The following CADM2 variants were observed in gnomAD, a reference collection of about 807,000 sequenced individuals.
The protein encoded by CADM2 is immunoglobulin superfamily member 4D.
Under a neutral mutation model 49.8 loss-of-function variants are expected in CADM2, and 12 were observed. That is an observed-to-expected ratio of 0.24 (90% CI 0.15 to 0.39). The LOEUF is 0.39. Among genes scored for constraint, CADM2 ranks in the 10% least tolerant of loss-of-function variants. The pLI, the probability that CADM2 is intolerant of heterozygous loss-of-function variation, is 1.00. For synonymous variants in CADM2, 214 were observed against 175.4 expected (o/e 1.22, Z -1.74); for missense variants, 378 against 492.3 (o/e 0.77, Z 2.20).
Position 85,212,882 on chromosome 3 carries a change from C to CTT in CADM2, c.61+253216_61+253217dup, listed in dbSNP as rs1187755520. Among the ~76,000 whole-genome samples the CTT allele has an allele frequency of 1.3e-4, 15 of 113,506 alleles. 1 individual carries two copies. Among genetic ancestry groups the CTT allele is most frequent in the African/African-American group, 7.4e-4 (15 of 20,330 alleles). The allele number at this position is 113,506 out of a possible 152,430, so 74.5% of individuals were successfully genotyped here. On this transcript the variant is annotated intron_variant, in intron 1 of 9. Coordinates refer to ENST00000383699, the MANE Select transcript of CADM2 (RefSeq NM_001167675.2). The stretch of plus-strand genomic sequence containing the variant: ...TCTTTCTTTCTTTCTTTCTTTCTTT[C>CTT]TTTCTCTTTCTTTCTTTTAATGGAG...
chr3:85,014,535 T>A (rs1172881019), intron 1 of CADM2, among the ~76,000 whole-genome samples: 7 of 152,096 alleles, frequency 4.6e-5, no homozygotes, highest in Admixed American at 2.6e-4. Flanking sequence ...TCCTGGAGGG[T>A]TTGGAATATA....
intron 1 of CADM2, among the ~76,000 whole-genome samples, chr3:85,484,047 C>T (rs2039320736): frequency 6.6e-6 from 1 of 151,712 alleles, no homozygotes; most frequent in East Asian, 1.9e-4. Context: ...CAGAAAATAT[C>T]CACATTTCCT....
intron 1 of CADM2, among the ~76,000 whole-genome samples, chr3:85,043,286 T>C (rs565379639): frequency 6.6e-6 from 1 of 152,114 alleles, no homozygotes; most frequent in African/African-American, 2.4e-5. Flanking sequence ...CTATTTCTCA[T>C]TTTCTTCAGC....
At chr3:85,714,151 C>A (rs2067205308) in intron 1 of CADM2, among the ~76,000 whole-genome samples, 1 of 152,186 alleles carries the variant, frequency 6.6e-6, no homozygotes. Context: ...TGAAACCACA[C>A]TGAAGTAGAT....
chr3:85,074,443 C>T (rs972804181), intron 1 of CADM2, among the ~76,000 whole-genome samples: 2 of 152,024 alleles, frequency 1.3e-5, no homozygotes, highest in Non-Finnish European at 2.9e-5. Context: ...ATAAATGATA[C>T]TCTCTCCCTC....
At chr3:86,016,611 C>T (rs779830843) in intron 8 of CADM2, among the ~76,000 whole-genome samples, 23 of 152,176 alleles carry the variant, frequency 1.5e-4, no homozygotes, top group South Asian at 6.2e-4. Context: ...TCCTTCTCTG[C>T]GGAAGTTTCA....
intron 1 of CADM2, among the ~76,000 whole-genome samples, chr3:84,971,394 T>G (rs921343093): frequency 1.3e-5 from 2 of 152,142 alleles, no homozygotes; most frequent in Non-Finnish European, 2.9e-5. Flanking sequence ...CAAGTAAAAT[T>G]TATACAGGAT....
intron 1 of CADM2, among the ~76,000 whole-genome samples, chr3:85,016,473 A>G (rs768571757): frequency 2.6e-5 from 4 of 152,166 alleles, no homozygotes; most frequent in Non-Finnish European, 5.9e-5. Context: ...TTAACTACAA[A>G]TAAATAACTG....
At chr3:85,967,989 T>G (rs905179783) in intron 8 of CADM2, among the ~76,000 whole-genome samples, 5 of 151,558 alleles carry the variant, frequency 3.3e-5, no homozygotes, top group Admixed American at 6.6e-5. Context: ...GCATTTTTCC[T>G]TTGGAGCATT....
At chr3:86,062,658 CG>C (rs10706822) in intron 8 of CADM2, among the ~76,000 whole-genome samples, 36,351 of 151,690 alleles carry the variant, frequency 0.24, 4,702 homozygotes, top group African/African-American at 0.33. Context: ...GCTATGGTAG[CG>C]GGGCACCTGT....
chr3:85,159,053 A>G (rs763140260), intron 1 of CADM2, among the ~76,000 whole-genome samples: 2 of 152,176 alleles, frequency 1.3e-5, no homozygotes, highest in Non-Finnish European at 2.9e-5. Context: ...AGCTATAAGC[A>G]TATCTGTGTA....
At chr3:85,263,292 C>A (rs1241563448) in intron 1 of CADM2, among the ~76,000 whole-genome samples, 1 of 152,084 alleles carries the variant, frequency 6.6e-6, no homozygotes, top group Non-Finnish European at 1.5e-5. Flanking sequence ...CGCACCCAGC[C>A]TGTGTATTCA....
At chr3:85,202,099 A>T (rs1046829941) in intron 1 of CADM2, among the ~76,000 whole-genome samples, 2 of 130,366 alleles carry the variant, frequency 1.5e-5, no homozygotes, top group Admixed American at 7.9e-5. Flanking sequence ...AAAAAAAAAA[A>T]GCAACTTCTC....
At chr3:85,167,742 C>T (rs1278656358) in intron 1 of CADM2, among the ~76,000 whole-genome samples, 8 of 152,174 alleles carry the variant, frequency 5.3e-5, no homozygotes, top group Non-Finnish European at 1.2e-4. Flanking sequence ...TTCAAAAAAA[C>T]TTCCTTATCA....
At chr3:85,591,629 C>G (rs1212151240) in intron 1 of CADM2, among the ~76,000 whole-genome samples, 2 of 151,890 alleles carry the variant, frequency 1.3e-5, no homozygotes. Flanking sequence ...GGGAATCACT[C>G]CTTCGTGTTT....
Position 85,114,971 on chromosome 3 carries a change from C to T in CADM2, c.61+155303C>T, listed in dbSNP as rs192698062. ...GGGCCTAAAGCAAACCACACTGAAA[C>T]ATTTTACACAAAGCCCTTTTACTAT... On this transcript the variant is annotated intron_variant, in intron 1 of 9. Transcript: ENST00000383699. Among the ~76,000 whole-genome samples the T allele has an allele frequency of 7.0e-3, 1,071 of 152,212 alleles. 1 individual carries two copies. The highest frequency in any genetic ancestry group is 0.01 in the Non-Finnish European group (707 of 68,012).
intron 1 of CADM2, among the ~76,000 whole-genome samples, chr3:85,655,998 T>C (rs1224298232): frequency 1.3e-5 from 2 of 151,844 alleles, no homozygotes; most frequent in Non-Finnish European, 1.5e-5. Flanking sequence ...TCTTCATCAC[T>C]ATCCTAATTT....
At chr3:85,392,640 C>G (rs1445815962) in intron 1 of CADM2, among the ~76,000 whole-genome samples, 1 of 152,012 alleles carries the variant, frequency 6.6e-6, no homozygotes, top group African/African-American at 2.4e-5. Context: ...CAAGTTAAAA[C>G]AATTCTCCAG....
chr3:85,888,100 A>G (rs77621802), intron 5 of CADM2, among the ~76,000 whole-genome samples: 6,718 of 152,232 alleles, frequency 0.044, 324 homozygotes, highest in East Asian at 0.2. Flanking sequence ...CTAAATTCTG[A>G]CACAATTAGT....
Sources: gnomAD v4.1 joint callset for allele counts (sites outside exome capture counted in the v4.1 genomes callset) on GRCh38, gnomAD v4.1.1 for gene constraint, MANE v1.5 for transcripts, NCBI Gene and HGNC (gene_info 2026-07-23, HGNC 2026-07-21) for gene names.